The following TBC1D1 variants were observed in gnomAD, a reference collection of about 807,000 sequenced individuals.
TBC1D1 encodes TBC1 (tre-2/USP6, BUB2, cdc16) domain family, member 1.
A neutral mutation model predicts 125.6 loss-of-function variants in TBC1D1; 89 were observed. The ratio of observed to expected loss-of-function variants is 0.71; its 90% CI spans 0.60 to 0.85. TBC1D1 has a LOEUF of 0.85. TBC1D1 is among the 40% of genes least tolerant of loss of function. The pLI is 0.00. For synonymous variants in TBC1D1, 565 were observed against 564.1 expected (o/e 1.00, Z -0.02); for missense variants, 1,377 against 1,469.2 (o/e 0.94, Z 1.03).
intron 2 of TBC1D1, among the ~76,000 whole-genome samples, chr4:37,922,452 G>A (rs894923512): frequency 2.6e-5 from 4 of 152,196 alleles, no homozygotes; most frequent in African/African-American, 9.6e-5. Context: ...TTAGAACTCA[G>A]TACAGAGGAA....
At chr4:38,097,163 T>C (rs977381762) in intron 14 of TBC1D1, among the ~76,000 whole-genome samples, 1 of 152,122 alleles carries the variant, frequency 6.6e-6, no homozygotes, top group South Asian at 2.1e-4. Flanking sequence ...ACGTTGTATA[T>C]GCACTTTTTC....
intron 12 of TBC1D1, among the ~76,000 whole-genome samples, chr4:38,072,640 T>C (rs1331595997): frequency 6.6e-6 from 1 of 152,198 alleles, no homozygotes; most frequent in Non-Finnish European, 1.5e-5. Context: ...AACATAAACA[T>C]AATACTACCA....
At chr4:37,904,836 A>G (rs768953717) in intron 2 of TBC1D1, among the ~76,000 whole-genome samples, 10 of 152,268 alleles carry the variant, frequency 6.6e-5, no homozygotes, top group African/African-American at 1.7e-4. Context: ...CACACTGGCC[A>G]TGATGCTAAC....
intron 2 of TBC1D1, among the ~76,000 whole-genome samples, chr4:38,013,048 C>G (rs960010957): frequency 6.6e-6 from 1 of 152,182 alleles, no homozygotes; most frequent in Non-Finnish European, 1.5e-5. Context: ...CCTCCTTGGC[C>G]TCCCAAAGTG....
Position 38,060,509 on chromosome 4 carries a change from G to A in TBC1D1, c.2050+6171G>A, listed in dbSNP as rs373625893. On this transcript the variant is annotated intron_variant, in intron 12 of 19. Coordinates refer to ENST00000261439, the MANE Select transcript of TBC1D1 (RefSeq NM_015173.4). ...GAGCTTTTTTTCATGTTTGTTGGCT[G>A]TATGAATATCTTCTTTTGAGAAGTG... 3,456 of 583,192 alleles carry A rather than the reference G, an allele frequency of 5.9e-3. 137 individuals carry two copies. In the South Asian group the frequency reaches 0.062, roughly 10 times the overall value. 36.1% of individuals were successfully genotyped at this position (583,192 alleles called of 1,614,324 possible). A position where few individuals can be genotyped will look rare whatever the true frequency, so the allele number is the denominator to read the frequency against.
chr4:38,055,360 C>G (rs1264365132), intron 12 of TBC1D1, among the ~76,000 whole-genome samples: 1 of 152,196 alleles, frequency 6.6e-6, no homozygotes, highest in African/African-American at 2.4e-5. Flanking sequence ...AATAAACTGT[C>G]TAAAGTTACC....
chr4:37,945,960 A>G (rs1726622338), intron 2 of TBC1D1, among the ~76,000 whole-genome samples: 2 of 152,236 alleles, frequency 1.3e-5, no homozygotes, highest in Non-Finnish European at 2.9e-5. Context: ...ATAACAGAGG[A>G]GGGCCTTCCT....
At chr4:38,089,611 A>C (rs1437300095) in intron 12 of TBC1D1, among the ~76,000 whole-genome samples, 1 of 152,270 alleles carries the variant, frequency 6.6e-6, no homozygotes, top group Non-Finnish European at 1.5e-5. Context: ...TAGGCACTGT[A>C]TGAACATTTT....
intron 12 of TBC1D1, among the ~76,000 whole-genome samples, chr4:38,058,319 A>G (rs192491823): frequency 1.3e-5 from 2 of 152,274 alleles, no homozygotes; most frequent in East Asian, 3.9e-4. Context: ...AGGTCTCCAT[A>G]TGTTCCTTCC....
In TBC1D1 at chr4:38,020,599, A is replaced by T; in HGVS notation, c.981A>T (p.Arg327Ser). Residue 327 changes from arginine to serine, a missense_variant, in exon 5 of 20, where the codon AGA (arginine) becomes AGT (serine). Around this residue, in one of 3 missense-constraint regions of TBC1D1, gnomAD observed 822 missense variants for 824.6 expected, o/e 1.00. Transcript: ENST00000261439. ...TTCTCTCCCTTTGGCAGGGCATCAG[A>T]CACGTGGACCACTTTGGGTTTATCT... The T allele has an allele frequency of 6.2e-7, 1 of 1,612,854 alleles. No individual in the cohort carries two copies. The highest frequency in any genetic ancestry group is 2.2e-5 in the East Asian group (1 of 44,772).
rs763261224 is a variant in TBC1D1, at chr4:38,133,236, T to C, written c.3285T>C (p.Leu1095=). ...ACAGCAGCTTACGCAAACAGAACCT[T>C]GACCTCCTTGAACAGTTGCAGGTAG... Residue 1095 remains leucine (L), a synonymous_variant, in exon 19 of 20, where the codon CTT becomes CTC. Transcript: ENST00000261439. 1 of 1,614,062 alleles carries C rather than the reference T, an allele frequency of 6.2e-7. No individual in the cohort carries two copies. The highest frequency in any genetic ancestry group is 1.1e-5 in the South Asian group (1 of 91,052).
chr4:37,936,440 A>C (rs543330780), intron 2 of TBC1D1, among the ~76,000 whole-genome samples: 3 of 152,286 alleles, frequency 2.0e-5, no homozygotes, highest in South Asian at 2.1e-4. Flanking sequence ...CTGTTGCTGC[A>C]CTGGAATCTG....
rs368174893 is a variant in TBC1D1 at position 37,909,222 on chromosome 4, C to T, written c.417+6710C>T. 7.9e-5 allele frequency among the ~76,000 whole-genome samples: 12 copies of T among 152,280 alleles called. No homozygotes were observed. In the East Asian group the frequency reaches 1.9e-3, roughly 25 times the overall value. The stretch of plus-strand genomic sequence containing the variant: ...AGCCTCTCTGGGCTGCATGTTACCT[C>T]GCATATTAAACAAGAAGGCAGTCTG... On this transcript the variant is annotated intron_variant, in intron 2 of 19. Transcript: ENST00000261439.
At chr4:37,960,987 C>T (rs1560535416) in intron 2 of TBC1D1, 1 of 1,614,224 alleles carries the variant, frequency 6.2e-7, no homozygotes, top group Non-Finnish European at 8.5e-7. Flanking sequence ...CTCCTTCAAG[C>T]ATTCTGTCGA....
chr4:37,927,260 C>T (rs966315323), intron 2 of TBC1D1, among the ~76,000 whole-genome samples: 2 of 152,158 alleles, frequency 1.3e-5, no homozygotes, highest in Non-Finnish European at 2.9e-5. Context: ...CTCCCCATTT[C>T]GAATTTATTC....
chr4:37,942,359 T>C (rs1215581141), intron 2 of TBC1D1, among the ~76,000 whole-genome samples: 1 of 152,118 alleles, frequency 6.6e-6, no homozygotes, highest in Non-Finnish European at 1.5e-5. Flanking sequence ...TGCCTTTTTT[T>C]TGTTTTCCAT....
In TBC1D1 at chr4:37,977,129, G is replaced by T. The variant is rs962617971; in HGVS notation, c.418-37380G>T. ...GAAAGGCGCGTCCCCAGCCTCCAGG[G>T]TTTCCTGCGCAGCCCTGGGCATCTC... is the stretch of plus-strand genomic sequence containing the variant. On this transcript the variant is annotated intron_variant, in intron 2 of 19. Coordinates refer to ENST00000261439, the MANE Select transcript of TBC1D1 (RefSeq NM_015173.4). The surrounding 1 kb of genome is among the most constrained non-coding windows in gnomAD (Gnocchi z 4.3). Among the ~76,000 whole-genome samples, 5 of 152,264 alleles carry T rather than the reference G, an allele frequency of 3.3e-5. No homozygotes were observed. Among genetic ancestry groups the T allele is most frequent in the Non-Finnish European group, 7.4e-5 (5 of 67,996 alleles).
intron 14 of TBC1D1, among the ~76,000 whole-genome samples, chr4:38,100,712 T>TA (rs1388993978): frequency 2.0e-5 from 3 of 151,676 alleles, no homozygotes; most frequent in Admixed American, 6.6e-5. Flanking sequence ...CAGGCCAACT[T>TA]AAAAAAAATG....
intron 12 of TBC1D1, among the ~76,000 whole-genome samples, chr4:38,064,269 G>A (rs1355909027): frequency 6.6e-6 from 1 of 152,178 alleles, no homozygotes; most frequent in Non-Finnish European, 1.5e-5. Flanking sequence ...ACTTTTGGCT[G>A]TTACGGATAA....
Sources: allele counts gnomAD v4.1 joint callset (sites outside exome capture counted in the v4.1 genomes callset), GRCh38; gene constraint gnomAD v4.1.1; regional missense constraint gnomAD v4.1.1; non-coding constraint Gnocchi (gnomAD v3.1); transcripts MANE v1.5; gene names NCBI Gene and HGNC (gene_info 2026-07-23, HGNC 2026-07-21).